The following CHRM3 variants were observed in gnomAD, a reference collection of about 807,000 sequenced individuals.
The protein encoded by CHRM3 is cholinergic receptor muscarinic 3, also known as muscarinic acetylcholine receptor M3.
CHRM3 carries 11 observed loss-of-function variants against 41.8 expected under a neutral mutation model. The observed-to-expected ratio is 0.26, with a 90% CI of 0.17 to 0.44. The LOEUF (loss-of-function observed/expected upper bound fraction) is 0.44, where lower values mean the gene tolerates loss of function less well. CHRM3 is among the 20% of genes least tolerant of loss of function. The probability of loss-of-function intolerance (pLI) is 1.00; values close to 1 mark genes in which losing one functional copy is unlikely to be tolerated. For synonymous variants in CHRM3, 297 were observed against 301.4 expected (o/e 0.99, Z 0.15); for missense variants, 571 against 745.4 (o/e 0.77, Z 2.72).
chr1:239,766,368 A>G (rs1032931332), intron 5 of CHRM3, among the ~76,000 whole-genome samples: 1 of 152,126 alleles, frequency 6.6e-6, no homozygotes, highest in African/African-American at 2.4e-5. Context: ...AAGCTGAATA[A>G]ATATATTTAT....
intron 5 of CHRM3, among the ~76,000 whole-genome samples, chr1:239,822,316 T>C (rs965857378): frequency 1.3e-5 from 2 of 152,226 alleles, no homozygotes; most frequent in Non-Finnish European, 1.5e-5. Flanking sequence ...GAGTGTCTTA[T>C]AACTTGGGTT....
chr1:239,734,393 T>C (rs1459328460), intron 5 of CHRM3, among the ~76,000 whole-genome samples: 1 of 152,110 alleles, frequency 6.6e-6, no homozygotes, highest in African/African-American at 2.4e-5. Flanking sequence ...ATATTCACAA[T>C]TAATTGAAAC....
intron 1 of CHRM3, among the ~76,000 whole-genome samples, chr1:239,490,480 G>A (rs1325910498): frequency 1.3e-5 from 2 of 152,136 alleles, no homozygotes; most frequent in African/African-American, 2.4e-5. Context: ...AATAAGGACT[G>A]TTACACTTGC....
At chr1:239,683,031 C>G (rs2149105041) in intron 5 of CHRM3, among the ~76,000 whole-genome samples, 1 of 152,222 alleles carries the variant, frequency 6.6e-6, no homozygotes, top group Non-Finnish European at 1.5e-5. Context: ...ATAGACAATA[C>G]AGTATTGTTA....
chr1:239,831,738 T>C (rs1248993245), intron 6 of CHRM3, among the ~76,000 whole-genome samples: 4 of 152,214 alleles, frequency 2.6e-5, no homozygotes, highest in African/African-American at 9.6e-5. Flanking sequence ...GACATATAAG[T>C]GCCATGTGGG....
chr1:239,768,647 T>G (rs1667413005), intron 5 of CHRM3, among the ~76,000 whole-genome samples: 1 of 152,226 alleles, frequency 6.6e-6, no homozygotes, highest in South Asian at 2.1e-4. Flanking sequence ...CCTTAGACGC[T>G]GTGGTGATTG....
At chr1:239,404,410 A>G (rs6663266) in intron 1 of CHRM3, among the ~76,000 whole-genome samples, 3,580 of 50,998 alleles carry the variant, frequency 0.07, 206 homozygotes, top group East Asian at 0.18. Context: ...GAAAGAAAGA[A>G]AAAGAAAGAA....
intron 4 of CHRM3, among the ~76,000 whole-genome samples, chr1:239,652,929 T>C (rs1391610738): frequency 1.3e-5 from 2 of 152,204 alleles, no homozygotes; most frequent in African/African-American, 4.8e-5. Flanking sequence ...CATCTCAATA[T>C]AAGAGACTGA....
intron 4 of CHRM3, among the ~76,000 whole-genome samples, chr1:239,677,090 G>C (rs1658078592): frequency 6.6e-6 from 1 of 152,024 alleles, no homozygotes; most frequent in South Asian, 2.1e-4. Flanking sequence ...ACAAGACTCA[G>C]GTTAAAGACC....
At chr1:239,890,307 A>G (rs534674972) in intron 6 of CHRM3, among the ~76,000 whole-genome samples, 5 of 151,488 alleles carry the variant, frequency 3.3e-5, no homozygotes, top group African/African-American at 1.2e-4. Context: ...AAATCATGCC[A>G]TTGCACTCCA....
chr1:239,851,842 A>T (rs972590728), intron 6 of CHRM3, among the ~76,000 whole-genome samples: 2 of 152,174 alleles, frequency 1.3e-5, no homozygotes, highest in African/African-American at 4.8e-5. Context: ...ATAAAAAAGC[A>T]GTTTCTAAAT....
intron 1 of CHRM3, among the ~76,000 whole-genome samples, chr1:239,488,714 C>A (rs1174765225): frequency 2.2e-5 from 1 of 46,208 alleles, no homozygotes; most frequent in African/African-American, 1.0e-4. Flanking sequence ...GACTCCTTCT[C>A]AAAAAAAAAA....
chr1:239,624,623 A>G (rs945186687), intron 3 of CHRM3, among the ~76,000 whole-genome samples: 12 of 151,330 alleles, frequency 7.9e-5, no homozygotes, highest in Non-Finnish European at 1.6e-4. Flanking sequence ...TAGGGTATTT[A>G]TGGTTTTAGG....
chr1:239,716,665 C>T (rs1365916451), intron 5 of CHRM3, among the ~76,000 whole-genome samples: 1 of 151,592 alleles, frequency 6.6e-6, no homozygotes, highest in Non-Finnish European at 1.5e-5. Flanking sequence ...ATAAGGAAAG[C>T]TAACCAGTGG....
chr1:239,611,916 G>T (rs1667122081), intron 3 of CHRM3, among the ~76,000 whole-genome samples: 2 of 152,166 alleles, frequency 1.3e-5, no homozygotes, highest in Non-Finnish European at 2.9e-5. Context: ...AATTTTAATA[G>T]ATTTTAATAA....
chr1:239,435,306 C>T (rs1343355864), intron 1 of CHRM3, among the ~76,000 whole-genome samples: 1 of 151,758 alleles, frequency 6.6e-6, no homozygotes, highest in African/African-American at 2.4e-5. Flanking sequence ...AAAAATCAGC[C>T]GGGTGTGGTG....
At chr1:239,501,463 C>T (rs965408061) in intron 2 of CHRM3, among the ~76,000 whole-genome samples, 5 of 152,156 alleles carry the variant, frequency 3.3e-5, no homozygotes, top group African/African-American at 1.2e-4. Flanking sequence ...TGGAAATCAA[C>T]TCCAAAAGGA....
intron 5 of CHRM3, among the ~76,000 whole-genome samples, chr1:239,701,828 C>T (rs1660716568): frequency 6.6e-6 from 1 of 152,160 alleles, no homozygotes; most frequent in Admixed American, 6.5e-5. Flanking sequence ...ATTCCTCGCT[C>T]ATGCTATTCC....
At chr1:239,824,761 G>A (rs1159172245) in intron 5 of CHRM3, among the ~76,000 whole-genome samples, 2 of 152,134 alleles carry the variant, frequency 1.3e-5, no homozygotes, top group Admixed American at 6.5e-5. Context: ...ATAGTAACAT[G>A]GGACAAACCA....
Sources: gnomAD v4.1 joint callset for allele counts (sites outside exome capture counted in the v4.1 genomes callset) on GRCh38, gnomAD v4.1.1 for gene constraint, MANE v1.5 for transcripts, NCBI Gene and HGNC (gene_info 2026-07-23, HGNC 2026-07-21) for gene names.